The following AGFG2 variants were observed in gnomAD, a reference collection of about 807,000 sequenced individuals.
AGFG2 encodes the protein ArfGAP with FG repeats 2.
A neutral mutation model predicts 48.0 loss-of-function variants in AGFG2; 31 were observed. The observed-to-expected ratio is 0.65, with a 90% confidence interval of 0.49 to 0.87. AGFG2 has a LOEUF of 0.87. Ranked by LOEUF, AGFG2 falls within the 40% of genes least tolerant of loss-of-function variation. The probability of loss-of-function intolerance (pLI) is 0.00; values close to 1 mark genes in which losing one functional copy is unlikely to be tolerated. For missense variants in AGFG2, 599 were observed against 632.6 expected (o/e 0.95, Z 0.57); for synonymous variants, 229 against 260.8 (o/e 0.88, Z 1.18).
intron 1 of AGFG2, among the ~76,000 whole-genome samples, chr7:100,543,819 C>T (rs1428601299): frequency 6.6e-6 from 1 of 152,128 alleles, no homozygotes; most frequent in Non-Finnish European, 1.5e-5. Context: ...CCTAAATTTA[C>T]ATACATACTG....
At chr7:100,559,975 C>G (rs1038783187) in intron 6 of AGFG2, among the ~76,000 whole-genome samples, 2 of 152,200 alleles carry the variant, frequency 1.3e-5, no homozygotes, top group Non-Finnish European at 2.9e-5. Context: ...CAGGGAGGCA[C>G]AGCATGGCCT....
intron 5 of AGFG2, 122 bp downstream of exon 5, chr7:100,554,380 T>G: frequency 3.2e-6 from 4 of 1,261,034 alleles, no homozygotes; most frequent in Non-Finnish European, 4.3e-6. Context: ...AGGGTCACTC[T>G]GAAGCAGTGA....
intron 1 of AGFG2, among the ~76,000 whole-genome samples, chr7:100,541,177 T>C (rs1800415245): frequency 6.6e-6 from 1 of 152,184 alleles, no homozygotes; most frequent in Non-Finnish European, 1.5e-5. Context: ...TGTTGTTTGA[T>C]ATTAGTGATG....
At chr7:100,552,864 C>A (rs1800675484) in intron 3 of AGFG2, among the ~76,000 whole-genome samples, 1 of 151,948 alleles carries the variant, frequency 6.6e-6, no homozygotes, top group Admixed American at 6.6e-5. Flanking sequence ...AAGAGGGGGA[C>A]CTTTGCCAGG....
rs1267979778 is a variant in AGFG2 at position 100,562,100 on chromosome 7, T to C, written c.878-159T>C. Among the ~76,000 whole-genome samples the C allele has an allele frequency of 6.6e-6, 1 of 151,728 alleles. No individual in the cohort carries two copies. Among genetic ancestry groups the C allele is most frequent in the Admixed American group, 6.6e-5 (1 of 15,248 alleles). On this transcript the variant is annotated intron_variant, in intron 6 of 11. Transcript: ENST00000300176. This position sits in a 1 kb window ranked among gnomAD's most constrained non-coding sequence, Gnocchi z 5.4. The stretch of plus-strand genomic sequence containing the variant: ...TGGTGGGAGACAAGACCTCCTGAAC[T>C]GGGTGGTCCCTGAGAAAATGGGCTG...
Position 100,545,350 on chromosome 7 carries a change from G to A in AGFG2, c.222-3472G>A, listed in dbSNP as rs558017314. ...TGATGATCACAGAAAAACAAAAGGT[G>A]TGGTATTTGTGGAAATAGTACTATG... On this transcript the variant is annotated intron_variant, in intron 1 of 11. Coordinates refer to ENST00000300176, the MANE Select transcript of AGFG2 (RefSeq NM_006076.5). Among the ~76,000 whole-genome samples, 12 of 152,296 alleles carry A rather than the reference G, an allele frequency of 7.9e-5. No individual in the cohort carries two copies. The South Asian group carries it at 2.1e-3, about 26-fold the overall frequency.
At chr7:100,564,400 C>T in intron 11 of AGFG2, 97 bp downstream of exon 11, 1 of 1,306,866 alleles carries the variant, frequency 7.7e-7, no homozygotes, top group Admixed American at 2.0e-5. Context: ...CCCCTGTGCC[C>T]CTTCCTCGTG....
intron 6 of AGFG2, among the ~76,000 whole-genome samples, chr7:100,557,912 G>GA (rs975457217): frequency 3.3e-5 from 5 of 151,378 alleles, no homozygotes; most frequent in East Asian, 1.9e-4. Flanking sequence ...GTAACACCCA[G>GA]AAAAAAAAAT....
In AGFG2 at chr7:100,567,727, T is replaced by C. The variant is rs1445722866; in HGVS notation, c.*2736T>C. ...CCCCCAAACCCATAACATTCTTCCA[T>C]AGGGGCTGAGAACGCAGTGCCCCGT... On this transcript the variant is annotated 3_prime_UTR_variant, in exon 12 of 12. Coordinates refer to ENST00000300176, the MANE Select transcript of AGFG2 (RefSeq NM_006076.5). 6.6e-6 allele frequency: 1 copy of C among 152,250 alleles called. No individual in the cohort carries two copies. The allele number at this position is 152,250 out of a possible 1,614,324, so 9.4% of individuals were successfully genotyped here.
At chr7:100,543,988 C>G (rs950654841) in intron 1 of AGFG2, among the ~76,000 whole-genome samples, 1 of 152,200 alleles carries the variant, frequency 6.6e-6, no homozygotes, top group East Asian at 1.9e-4. Context: ...ATGAATCTGT[C>G]ATTTGAATCT....
intron 5 of AGFG2, among the ~76,000 whole-genome samples, chr7:100,554,684 C>A (rs1800721811): frequency 6.6e-6 from 1 of 151,950 alleles, no homozygotes; most frequent in South Asian, 2.1e-4. Context: ...ACCTGTAATC[C>A]TAGCATTTGA....
rs752079564 is a variant in AGFG2 at position 100,562,579 on chromosome 7, C to A, written c.999-15C>A. 3 of 1,613,488 alleles carry A rather than the reference C, an allele frequency of 1.9e-6. No homozygotes were observed. Among genetic ancestry groups the A allele is most frequent in the Non-Finnish European group, 2.5e-6 (3 of 1,179,884 alleles). ...CCTGGCAGCTGTGTATGACTTCTCTCTCCCCGTGTTGTAGCCTCTTCGGGA... is the reference window on the plus strand; with the variant it reads ...CCTGGCAGCTGTGTATGACTTCTCTATCCCCGTGTTGTAGCCTCTTCGGGA... On this transcript the variant is annotated splice_polypyrimidine_tract_variant and intron_variant, in intron 7 of 11. Coordinates refer to ENST00000300176, the MANE Select transcript of AGFG2 (RefSeq NM_006076.5). This position sits in a 1 kb window ranked among gnomAD's most constrained non-coding sequence, Gnocchi z 5.4.
rs1282474265 is a variant in AGFG2, at chr7:100,539,438, G to T, written c.92G>T (p.Arg31Leu). ...EAEAASEVWCRRVRELGGCSQ... is the reference protein window; with the variant it reads ...EAEAASEVWCLRVRELGGCSQ... ...GAGGCGGCCTCGGAGGTGTGGTGCCGTCGGGTGCGGGAGCTGGGTGGCTGC... is the reference window on the plus strand; with the variant it reads ...GAGGCGGCCTCGGAGGTGTGGTGCCTTCGGGTGCGGGAGCTGGGTGGCTGC... The change falls in exon 1 of 12, where the codon CGT becomes CTT. Residue 31 changes from arginine (R) to leucine (L), a missense_variant. By Grantham distance (102) the Arg-to-Leu change is moderately radical. Coordinates refer to ENST00000300176, the MANE Select transcript of AGFG2 (RefSeq NM_006076.5). 4.5e-6 allele frequency: 6 copies of T among 1,326,188 alleles called. No individual in the cohort carries two copies. 82.2% of individuals were successfully genotyped at this position (1,326,188 alleles called of 1,614,324 possible). A position where few individuals can be genotyped will look rare whatever the true frequency, so the allele number is the denominator to read the frequency against.
rs1212292225 is a variant in AGFG2 at position 100,565,963 on chromosome 7, G to T, written c.*972G>T. On this transcript the variant is annotated 3_prime_UTR_variant, in exon 12 of 12. Coordinates refer to ENST00000300176, the MANE Select transcript of AGFG2 (RefSeq NM_006076.5). ...TGCACCAAAGCTCATTGCAGGCAAT[G>T]TTGGAAAAGAACTGCATTTGAACGA... 6.8e-6 allele frequency: 1 copy of T among 148,110 alleles called. No homozygotes were observed. The highest frequency in any genetic ancestry group is 2.0e-4 in the East Asian group (1 of 4,896). 9.2% of individuals were successfully genotyped at this position (148,110 alleles called of 1,614,324 possible). A position where few individuals can be genotyped will look rare whatever the true frequency, so the allele number is the denominator to read the frequency against.
intron 6 of AGFG2, chr7:100,556,609 C>T: frequency 1.6e-6 from 2 of 1,289,524 alleles, no homozygotes; most frequent in Non-Finnish European, 2.0e-6. Flanking sequence ...CGGATGCTAA[C>T]TGAAAGTTAC....
chr7:100,543,687 C>T (rs540892475), intron 1 of AGFG2, among the ~76,000 whole-genome samples: 38 of 152,260 alleles, frequency 2.5e-4, no homozygotes, highest in African/African-American at 9.1e-4. Flanking sequence ...CTGCCTGCAT[C>T]CCTGCATGTA....
At position 100,565,461 on chromosome 7, in the gene AGFG2, C is replaced by T; in HGVS notation, c.*470C>T. ...GCTCTTGGTGGCCCAGCTTGGCCAGCACACACTTTCCTCCTGCAGCACCCC... is the reference window on the plus strand; with the variant it reads ...GCTCTTGGTGGCCCAGCTTGGCCAGTACACACTTTCCTCCTGCAGCACCCC... On this transcript the variant is annotated 3_prime_UTR_variant, in exon 12 of 12. Transcript: ENST00000300176. 1 of 157,946 alleles carries T rather than the reference C, an allele frequency of 6.3e-6. No homozygotes were observed. The highest frequency in any genetic ancestry group is 1.4e-5 in the Non-Finnish European group (1 of 71,600). The allele number at this position is 157,946 out of a possible 1,614,324, so 9.8% of individuals were successfully genotyped here.
rs1210792859 is a variant in AGFG2 at position 100,566,171 on chromosome 7, GAGA to G, written c.*1186_*1188del. ...TGAACAAGAGTCCCGCATTAGCAAT[GAGA>G]AGAAGCGTGGCGGGAGAGGAGCCAC... On this transcript the variant is annotated 3_prime_UTR_variant, in exon 12 of 12. Transcript: ENST00000300176. 1 of 152,240 alleles carries G rather than the reference GAGA, an allele frequency of 6.6e-6. No individual in the cohort carries two copies. Among genetic ancestry groups the G allele is most frequent in the Non-Finnish European group, 1.5e-5 (1 of 68,064 alleles). The allele number at this position is 152,240 out of a possible 1,614,324, so 9.4% of individuals were successfully genotyped here.
At chr7:100,559,468 C>T (rs1800820364) in intron 6 of AGFG2, among the ~76,000 whole-genome samples, 1 of 151,952 alleles carries the variant, frequency 6.6e-6, no homozygotes, top group Non-Finnish European at 1.5e-5. Context: ...TTCAAAACTG[C>T]TTCTCTCCCT....
Sources: allele counts gnomAD v4.1 joint callset (sites outside exome capture counted in the v4.1 genomes callset), GRCh38; gene constraint gnomAD v4.1.1; non-coding constraint Gnocchi (gnomAD v3.1); transcripts MANE v1.5; gene names NCBI Gene and HGNC (gene_info 2026-07-23, HGNC 2026-07-21).